Variants in PNLIPRP1 observed in about 807,000 individuals in gnomAD.
PNLIPRP1 encodes pancreatic lipase related protein 1.
A neutral mutation model predicts 54.6 loss-of-function variants in PNLIPRP1; 57 were observed. The observed-to-expected ratio is 1.04, with a 90% CI of 0.84 to 1.30. The LOEUF is 1.30. PNLIPRP1 is among the 50% of genes most tolerant of loss of function. PNLIPRP1 has a pLI of 0.00. For synonymous variants in PNLIPRP1, 232 were observed against 208.8 expected (o/e 1.11, Z -0.96); for missense variants, 567 against 568.5 (o/e 1.00, Z 0.03).
chr10:116,592,984 A>G, intron 4 of PNLIPRP1: 1 of 313,704 alleles, frequency 3.2e-6, no homozygotes, highest in South Asian at 2.8e-5. Context: ...CCTGGCGAAC[A>G]TGGTGAAACC....
At chr10:116,591,318 G>A (rs1847631803) in intron 2 of PNLIPRP1, 140 bp downstream of exon 2, 2 of 666,164 alleles carry the variant, frequency 3.0e-6, no homozygotes, top group African/African-American at 3.6e-5. Context: ...CTCTGCCTGG[G>A]AGAGTAGGCT....
intron 10 of PNLIPRP1, among the ~76,000 whole-genome samples, chr10:116,601,817 A>G (rs1243012509): frequency 1.3e-5 from 2 of 152,204 alleles, no homozygotes; most frequent in African/African-American, 4.8e-5. Flanking sequence ...CCCAGTAAAG[A>G]CAGAGGTTAC....
intron 12 of PNLIPRP1, among the ~76,000 whole-genome samples, chr10:116,608,027 T>C (rs1208983077): frequency 6.6e-6 from 1 of 152,086 alleles, no homozygotes; most frequent in Non-Finnish European, 1.5e-5. Flanking sequence ...GGCTAATTTT[T>C]GTATTTTTAG....
chr10:116,602,943 G>T lies in PNLIPRP1; in HGVS notation c.1064-1087G>T, dbSNP rs76113006. 3.4e-3 allele frequency among the ~76,000 whole-genome samples: 310 copies of T among 92,190 alleles called. 1 individual carries two copies. The highest frequency in any genetic ancestry group is 6.3e-3 in the Middle Eastern group (1 of 160). The allele number at this position is 92,190 out of a possible 152,430, so 60.5% of individuals were successfully genotyped here. On this transcript the variant is annotated intron_variant, in intron 10 of 12. Coordinates refer to ENST00000358834, the MANE Select transcript of PNLIPRP1 (RefSeq NM_006229.4). Reference sequence around the variant, plus strand: ...CACATGCATGTTTGTGTAGATGTATGTGTGTGTGCACATGCACATGTTGTG... The same window carrying T: ...CACATGCATGTTTGTGTAGATGTATTTGTGTGTGCACATGCACATGTTGTG...
At chr10:116,604,277 G>A in intron 11 of PNLIPRP1, 139 bp downstream of exon 11, 2 of 540,260 alleles carry the variant, frequency 3.7e-6, no homozygotes, top group Admixed American at 3.3e-5. Context: ...CAACATTTTA[G>A]TTGATGGACC....
At chr10:116,605,598 T>A (rs782453995) in intron 12 of PNLIPRP1, 45 bp downstream of exon 12, 4 of 1,379,022 alleles carry the variant, frequency 2.9e-6, no homozygotes, top group Non-Finnish European at 3.9e-6. Flanking sequence ...TTGCAGAGAT[T>A]CATGTTATAA....
chr10:116,606,723 G>A (rs534849224), intron 12 of PNLIPRP1, among the ~76,000 whole-genome samples: 29 of 152,308 alleles, frequency 1.9e-4, no homozygotes, highest in Non-Finnish European at 3.8e-4. Context: ...CAGGTTTTCT[G>A]AGGAAAGGCT....
chr10:116,591,306 C>A, intron 2 of PNLIPRP1, 128 bp downstream of exon 2: 1 of 700,614 alleles, frequency 1.4e-6, no homozygotes, highest in African/African-American at 1.8e-5. Context: ...TGTGGGCTGA[C>A]ACTCTGCCTG....
chr10:116,592,236 A>G, intron 3 of PNLIPRP1, 180 bp from the exon 4 acceptor site: 2 of 693,048 alleles, frequency 2.9e-6, no homozygotes, highest in East Asian at 5.4e-5. Flanking sequence ...TAGTGGAAGC[A>G]GTGATTACTC....
In PNLIPRP1 at chr10:116,597,867, A is replaced by C. The variant is rs782424794; in HGVS notation, c.614A>C (p.Glu205Ala). 1.1e-5 allele frequency: 18 copies of C among 1,614,000 alleles called. No homozygotes were observed. The highest frequency in any genetic ancestry group is 1.4e-5 in the Non-Finnish European group (17 of 1,180,022). Residue 205 changes from glutamate to alanine, a missense_variant, in exon 7 of 13, where the codon GAA becomes GCA. By Grantham distance (107) the Glu-to-Ala change is moderately radical. Transcript: ENST00000358834. ...PVEASFESTP[E>A]EVRLDPSDAD... is the part of the protein sequence containing the mutation. ...GAAGCAAGTTTCGAGAGTACTCCTGAAGAGGTGCGACTTGATCCCTCTGAT... is the reference window on the plus strand; with the variant it reads ...GAAGCAAGTTTCGAGAGTACTCCTGCAGAGGTGCGACTTGATCCCTCTGAT...
At chr10:116,609,011 T>C (rs1847982357) in intron 12 of PNLIPRP1, 42 bp from the exon 13 acceptor site, 1 of 1,463,062 alleles carries the variant, frequency 6.8e-7, no homozygotes, top group Non-Finnish European at 9.6e-7. Flanking sequence ...TGGCTTTTGC[T>C]AAGGTGACCC....
rs569029475 is a variant in PNLIPRP1, at chr10:116,592,682, A to G, written c.330+141A>G. ...AATGCTTCTCTTCACAAAAATTAAA[A>G]TGCCTTTCCATGTTTCCGCACTACA... On this transcript the variant is annotated intron_variant, in intron 4 of 12. Coordinates refer to ENST00000358834, the MANE Select transcript of PNLIPRP1 (RefSeq NM_006229.4). 18 of 1,009,170 alleles carry G rather than the reference A, an allele frequency of 1.8e-5. No individual in the cohort carries two copies. In the African/African-American group the frequency reaches 2.7e-4, roughly 15 times the overall value. 62.5% of individuals were successfully genotyped at this position (1,009,170 alleles called of 1,614,324 possible).
At chr10:116,591,309 T>G (rs1847631653) in intron 2 of PNLIPRP1, 131 bp downstream of exon 2, 1 of 690,124 alleles carries the variant, frequency 1.4e-6, no homozygotes, top group Admixed American at 2.5e-5. Context: ...GGGCTGACAC[T>G]CTGCCTGGGA....
At chr10:116,599,676 C>A (rs182959625) in intron 8 of PNLIPRP1, among the ~76,000 whole-genome samples, 67 of 152,278 alleles carry the variant, frequency 4.4e-4, no homozygotes, top group African/African-American at 1.5e-3. Flanking sequence ...GGGCCGAAGA[C>A]AAGATGGGCA....
At chr10:116,600,951 C>T (rs1564738587) in intron 9 of PNLIPRP1, 121 bp from the exon 10 acceptor site, 3 of 838,096 alleles carry the variant, frequency 3.6e-6, no homozygotes, top group Non-Finnish European at 5.6e-6. Flanking sequence ...CTGCTCCAAC[C>T]CCTTTGTTGT....
intron 11 of PNLIPRP1, among the ~76,000 whole-genome samples, chr10:116,604,751 C>A (rs1170218973): frequency 1.4e-5 from 2 of 143,020 alleles, no homozygotes; most frequent in African/African-American, 5.2e-5. Flanking sequence ...TGCAGTGGCA[C>A]GATCTTGGCT....
At chr10:116,594,176 A>G (rs1475198485) in intron 4 of PNLIPRP1, 1 of 371,610 alleles carries the variant, frequency 2.7e-6, no homozygotes, top group Admixed American at 3.6e-5. Flanking sequence ...GACATCCAGG[A>G]AGACATTTTC....
chr10:116,600,279 A>G (rs1554864596), intron 9 of PNLIPRP1, 114 bp downstream of exon 9: 2 of 744,524 alleles, frequency 2.7e-6, no homozygotes. Context: ...TGACCCTCAG[A>G]GTTCATGGTC....
intron 6 of PNLIPRP1, among the ~76,000 whole-genome samples, chr10:116,597,468 A>G (rs1847755908): frequency 6.6e-6 from 1 of 152,232 alleles, no homozygotes; most frequent in African/African-American, 2.4e-5. Flanking sequence ...GTTCTTAACT[A>G]TGATACCACA....
Sources: gnomAD v4.1 joint callset for allele counts (sites outside exome capture counted in the v4.1 genomes callset) on GRCh38, gnomAD v4.1.1 for gene constraint, MANE v1.5 for transcripts, NCBI Gene and HGNC (gene_info 2026-07-23, HGNC 2026-07-21) for gene names.